The following EPHA4 variants were observed in gnomAD, a reference collection of about 807,000 sequenced individuals.
The protein encoded by EPHA4 is ephrin type-A receptor 4.
EPHA4 carries 19 observed loss-of-function variants against 108.3 expected under a neutral mutation model. The ratio of observed to expected loss-of-function variants is 0.18; its 90% confidence interval spans 0.12 to 0.26. The LOEUF (loss-of-function observed/expected upper bound fraction) is 0.26. EPHA4 is among the 10% of genes least tolerant of loss of function. The pLI, the probability that EPHA4 is intolerant of heterozygous loss-of-function variation, is 1.00. For missense variants in EPHA4, 917 were observed against 1,254.0 expected, an observed-to-expected ratio of 0.73 and a Z score of 4.06; for synonymous variants, 449 against 455.5, an observed-to-expected ratio of 0.99 and a Z score of 0.18.
intron 5 of EPHA4, among the ~76,000 whole-genome samples, chr2:221,473,111 T>A (rs992532751): frequency 1.3e-5 from 2 of 152,160 alleles, no homozygotes; most frequent in African/African-American, 2.4e-5. Context: ...ACTGGCACCA[T>A]CTCTCGTTTT....
chr2:221,503,320 C>T (rs572818841), intron 3 of EPHA4, among the ~76,000 whole-genome samples: 3 of 152,170 alleles, frequency 2.0e-5, no homozygotes, highest in South Asian at 4.1e-4. Context: ...AGTGGAAGAT[C>T]GACAAGGACA....
Position 221,571,721 on chromosome 2 carries a change from G to A in EPHA4, c.91+437C>T, listed in dbSNP as rs1020007452. 2.6e-5 allele frequency among the ~76,000 whole-genome samples: 4 copies of A among 152,208 alleles called. No individual in the cohort carries two copies. The highest frequency in any genetic ancestry group is 2.0e-4 in the Admixed American group (3 of 15,282). ...CTCGGGAAACTTTGCAGAAACCAGA[G>A]CTCGAAAGGCTTTCGCTAGAATCCG... On this transcript the variant is annotated intron_variant, in intron 1 of 17. Transcript: ENST00000281821. The surrounding 1 kb of genome is among the most constrained non-coding windows in gnomAD (Gnocchi z 6.3).
At position 221,446,190 on chromosome 2, in the gene EPHA4, A is replaced by T. The variant is rs570156017; in HGVS notation, c.1716-9T>A. On this transcript the variant is annotated splice_polypyrimidine_tract_variant and intron_variant, in intron 8 of 17. Transcript: ENST00000281821. ...TACTGTATTTACTCCGTCTATTAAA[A>T]TTTTTTTAAAAAAGAGAATTATTTT... 4.0e-6 allele frequency: 6 copies of T among 1,489,726 alleles called. No individual in the cohort carries two copies. Among genetic ancestry groups the T allele is most frequent in the African/African-American group, 2.9e-5 (2 of 69,706 alleles). 92.3% of individuals were successfully genotyped at this position (1,489,726 alleles called of 1,614,324 possible). A position where few individuals can be genotyped will look rare whatever the true frequency, so the allele number is the denominator to read the frequency against.
chr2:221,447,821 T>TTTTATTTATTTATTTA (rs56796398), intron 8 of EPHA4, among the ~76,000 whole-genome samples: 21,660 of 147,502 alleles, frequency 0.15, 1,635 homozygotes, highest in Middle Eastern at 0.18. Flanking sequence ...AAGGGTCTAT[T>TTTTATTTATTTATTTA]TTTATTTATT....
intron 7 of EPHA4, among the ~76,000 whole-genome samples, 167 bp downstream of exon 7, chr2:221,456,446 T>A (rs572854253): frequency 6.6e-6 from 1 of 152,218 alleles, no homozygotes; most frequent in South Asian, 2.1e-4. Context: ...CACATGAAGT[T>A]TTCTAAGTTA....
chr2:221,557,083 G>A (rs1440597399), intron 3 of EPHA4, among the ~76,000 whole-genome samples: 1 of 152,116 alleles, frequency 6.6e-6, no homozygotes, highest in Non-Finnish European at 1.5e-5. Flanking sequence ...AGAAAAAAAA[G>A]GCAAATAACA....
At chr2:221,434,056 A>C in intron 14 of EPHA4, 86 bp downstream of exon 14, 517 of 1,417,328 alleles carry the variant, frequency 3.6e-4, no homozygotes, top group Non-Finnish European at 4.5e-4. Context: ...TATCATTTCA[A>C]ACCCCGTGCC....
In EPHA4 at chr2:221,545,230, G is replaced by A. The variant is rs573040268; in HGVS notation, c.823+18501C>T. ...TGGGAGACCGAGGTGGGCGGATCACGAGGTCGAGGTGGGCGGATCACGAGG... is the reference window on the plus strand; with the variant it reads ...TGGGAGACCGAGGTGGGCGGATCACAAGGTCGAGGTGGGCGGATCACGAGG... On this transcript the variant is annotated intron_variant, in intron 3 of 17. Coordinates refer to ENST00000281821, the MANE Select transcript of EPHA4 (RefSeq NM_004438.5). Among the ~76,000 whole-genome samples, 16 of 23,042 alleles carry A rather than the reference G, an allele frequency of 6.9e-4. No individual in the cohort carries two copies. The East Asian group carries it at 7.5e-3, about 11-fold the overall frequency. The allele number at this position is 23,042 out of a possible 152,430, so 15.1% of individuals were successfully genotyped here.
At chr2:221,499,715 AATATATATATATATAT>A (rs369326575) in intron 4 of EPHA4, among the ~76,000 whole-genome samples, 8 of 48,452 alleles carry the variant, frequency 1.7e-4, no homozygotes, top group South Asian at 1.2e-3. Context: ...AACTAAAACT[AATATATATATATATAT>A]ATATATATAT....
chr2:221,561,999 T>A (rs1424070115), intron 3 of EPHA4, among the ~76,000 whole-genome samples: 1 of 152,216 alleles, frequency 6.6e-6, no homozygotes, highest in Non-Finnish European at 1.5e-5. Context: ...CATTTCACTG[T>A]TCCTGCTATG....
intron 4 of EPHA4, among the ~76,000 whole-genome samples, chr2:221,483,412 G>A (rs541717189): frequency 4.1e-4 from 63 of 152,024 alleles, no homozygotes; most frequent in South Asian, 1.9e-3. Context: ...ACTGATTACC[G>A]ACAACATACT....
At position 221,443,563 on chromosome 2, in the gene EPHA4, G is replaced by T; in HGVS notation, c.1818C>A (p.Asn606Lys). The T allele has an allele frequency of 6.2e-7, 1 of 1,613,888 alleles. No homozygotes were observed. The change falls in exon 10 of 18, where the codon AAC (asparagine) becomes AAA (lysine). Residue 606 changes from asparagine to lysine, a missense_variant. Asn to Lys is a moderately conservative substitution (Grantham distance 94). Transcript: ENST00000281821. Reference sequence around the variant, plus strand: ...CTTTGGCAAACTCTCGCACTGCTTGGTTGGGATCTTCGTACGTAAAGGGGT... The same window carrying T: ...CTTTGGCAAACTCTCGCACTGCTTGTTTGGGATCTTCGTACGTAAAGGGGT... ...YVDPFTYEDP[N>K]QAVREFAKEI...
rs532962749 is a variant in EPHA4 at position 221,493,577 on chromosome 2, C to T, written c.979+7440G>A. 3.6e-4 allele frequency among the ~76,000 whole-genome samples: 55 copies of T among 152,296 alleles called. No individual in the cohort carries two copies. The South Asian group carries it at 0.011, about 30-fold the overall frequency. On this transcript the variant is annotated intron_variant, in intron 4 of 17. Coordinates refer to ENST00000281821, the MANE Select transcript of EPHA4 (RefSeq NM_004438.5). ...CACAGTCACACAGCACCGGTCGAAT[C>T]GACATTGGGTTTCCACCGAAGATTG...
intron 8 of EPHA4, among the ~76,000 whole-genome samples, chr2:221,448,511 T>C (rs79838266): frequency 0.017 from 2,541 of 152,290 alleles, 70 homozygotes; most frequent in African/African-American, 0.058. Context: ...CAACTTTCTA[T>C]AAAAGATGAA....
Position 221,498,835 on chromosome 2 carries a change from A to G in EPHA4, c.979+2182T>C, listed in dbSNP as rs1045694901. Among the ~76,000 whole-genome samples, 4 of 136,936 alleles carry G rather than the reference A, an allele frequency of 2.9e-5. No individual in the cohort carries two copies. The East Asian group carries it at 8.4e-4, about 29-fold the overall frequency. The allele number at this position is 136,936 out of a possible 152,430, so 89.8% of individuals were successfully genotyped here. A position where few individuals can be genotyped will look rare whatever the true frequency, so the allele number is the denominator to read the frequency against. ...GACGACAGAGTTTCCTCTGTCATCTAGGGTGGAGTCCAGTGGTGCAATCTC... is the reference window on the plus strand; with the variant it reads ...GACGACAGAGTTTCCTCTGTCATCTGGGGTGGAGTCCAGTGGTGCAATCTC... On this transcript the variant is annotated intron_variant, in intron 4 of 17. Transcript: ENST00000281821.
intron 3 of EPHA4, among the ~76,000 whole-genome samples, chr2:221,549,088 C>T (rs549511835): frequency 6.6e-6 from 1 of 152,250 alleles, no homozygotes; most frequent in African/African-American, 2.4e-5. Flanking sequence ...TTAAGAAACA[C>T]AGGACCTCCA....
At chr2:221,437,845 C>T (rs1489576775) in intron 11 of EPHA4, among the ~76,000 whole-genome samples, 1 of 151,912 alleles carries the variant, frequency 6.6e-6, no homozygotes, top group Non-Finnish European at 1.5e-5. Context: ...ATTGCTTGAA[C>T]TCGGGAGGCC....
rs969644061 is a variant in EPHA4, at chr2:221,445,328, A to C, written c.1774+795T>G. 2.0e-5 allele frequency among the ~76,000 whole-genome samples: 3 copies of C among 151,950 alleles called. No individual in the cohort carries two copies. The East Asian group carries it at 5.8e-4, about 30-fold the overall frequency. The stretch of plus-strand genomic sequence containing the variant: ...CTACTGGCTGGGTGCGGTGGCTCAC[A>C]CCTGTAATCCCAGCGCTTTGGGAGG... On this transcript the variant is annotated intron_variant, in intron 9 of 17. Transcript: ENST00000281821.
At chr2:221,521,731 T>G (rs1693171175) in intron 3 of EPHA4, among the ~76,000 whole-genome samples, 1 of 152,030 alleles carries the variant, frequency 6.6e-6, no homozygotes, top group South Asian at 2.1e-4. Context: ...TCTCAGCGTT[T>G]TGGGAGGCTG....
Sources: allele counts gnomAD v4.1 joint callset (sites outside exome capture counted in the v4.1 genomes callset), GRCh38; gene constraint gnomAD v4.1.1; non-coding constraint Gnocchi (gnomAD v3.1); transcripts MANE v1.5; gene names NCBI Gene and HGNC (gene_info 2026-07-23, HGNC 2026-07-21).